The following CSMD2 variants were observed in gnomAD, a reference collection of about 807,000 sequenced individuals.
The protein encoded by CSMD2 is CUB and Sushi multiple domains 2.
CSMD2 carries 130 observed loss-of-function variants against 398.5 expected under a neutral mutation model. The observed-to-expected ratio is 0.33, with a 90% CI of 0.28 to 0.38. The LOEUF is 0.38. Ranked by LOEUF, CSMD2 falls within the 10% of genes least tolerant of loss-of-function variation. CSMD2 has a pLI of 1.00. For missense variants in CSMD2, 3,829 were observed against 4,764.9 expected (o/e 0.80, Z 5.78); for synonymous variants, 1,828 against 1,908.5 (o/e 0.96, Z 1.10).
At chr1:33,966,726 GA>G (rs1407230645) in intron 3 of CSMD2, among the ~76,000 whole-genome samples, 1 of 152,168 alleles carries the variant, frequency 6.6e-6, no homozygotes, top group Non-Finnish European at 1.5e-5. Flanking sequence ...TTGAAAACAA[GA>G]AAAAGATGAT....
intron 12 of CSMD2, among the ~76,000 whole-genome samples, chr1:33,786,786 A>G (rs1338721917): frequency 2.0e-5 from 3 of 152,174 alleles, no homozygotes; most frequent in Non-Finnish European, 4.4e-5. Flanking sequence ...CCCTAGACAC[A>G]TGGCCTCCTA....
intron 25 of CSMD2, among the ~76,000 whole-genome samples, chr1:33,682,415 A>C (rs1027141367): frequency 2.0e-5 from 3 of 152,082 alleles, no homozygotes; most frequent in African/African-American, 7.2e-5. Context: ...ACCTACTACA[A>C]TGTTTTTGTA....
Position 33,596,274 on chromosome 1 carries a change from C to T in CSMD2, c.6856+4591G>A, listed in dbSNP as rs571864539. 3.3e-5 allele frequency among the ~76,000 whole-genome samples: 5 copies of T among 152,112 alleles called. No individual in the cohort carries two copies. In the East Asian group the frequency reaches 9.8e-4, roughly 30 times the overall value. On this transcript the variant is annotated intron_variant, in intron 44 of 70. Transcript: ENST00000373381. ...CTTCCTCTGCTTGGGCTCCAATACC[C>T]TACATGGGTGTCTGCTCATCCTGCG...
intron 44 of CSMD2, among the ~76,000 whole-genome samples, chr1:33,593,779 T>C (rs1265762263): frequency 1.3e-5 from 2 of 152,264 alleles, no homozygotes; most frequent in Non-Finnish European, 2.9e-5. Flanking sequence ...CTGTATCTTA[T>C]TTTGTGCTTG....
chr1:33,824,576 G>A (rs1020771277), intron 7 of CSMD2, among the ~76,000 whole-genome samples: 6 of 152,080 alleles, frequency 3.9e-5, no homozygotes, highest in African/African-American at 7.2e-5. Flanking sequence ...CATCGGCACA[G>A]AGCTCGAAAA....
At chr1:33,695,813 GAAGTCCACAAGCTCTA>G (rs1322944913) in intron 24 of CSMD2, among the ~76,000 whole-genome samples, 5 of 152,222 alleles carry the variant, frequency 3.3e-5, no homozygotes, top group Non-Finnish European at 7.3e-5. Context: ...CTAGGCTGAT[GAAGTCCACAAGCTCTA>G]TTTGGATGGA....
intron 1 of CSMD2, among the ~76,000 whole-genome samples, chr1:34,090,989 C>T (rs567648780): frequency 6.6e-5 from 10 of 152,302 alleles, no homozygotes; most frequent in South Asian, 6.2e-4. Context: ...AGGACCTTTG[C>T]GCGGTTCTCT....
intron 5 of CSMD2, among the ~76,000 whole-genome samples, chr1:33,894,281 G>A (rs1046998769): frequency 1.3e-5 from 2 of 152,098 alleles, no homozygotes; most frequent in East Asian, 1.9e-4. Context: ...TGTAGCAGGT[G>A]GTGCCAGTGT....
At position 33,783,431 on chromosome 1, in the gene CSMD2, T is replaced by TTCTCTCTCTC. The variant is rs55769634; in HGVS notation, c.1663+5159_1663+5168dup. Among the ~76,000 whole-genome samples, 353 of 135,220 alleles carry TTCTCTCTCTC rather than the reference T, an allele frequency of 2.6e-3. 9 individuals carry two copies. Among genetic ancestry groups the TTCTCTCTCTC allele is most frequent in the African/African-American group, 8.2e-3 (281 of 34,388 alleles). The allele number at this position is 135,220 out of a possible 152,430, so 88.7% of individuals were successfully genotyped here. A position where few individuals can be genotyped will look rare whatever the true frequency, so the allele number is the denominator to read the frequency against. ...AAACAACACCATGCTCATTCTCTCA[T>TTCTCTCTCTC]TCTCTCTCTCTCTCTCTCTCTCTCT... On this transcript the variant is annotated intron_variant, in intron 12 of 70. Coordinates refer to ENST00000373381, the MANE Select transcript of CSMD2 (RefSeq NM_001281956.2).
At chr1:33,725,241 C>T (rs1646490214) in intron 17 of CSMD2, 108 bp downstream of exon 17, 3 of 911,398 alleles carry the variant, frequency 3.3e-6, no homozygotes, top group Middle Eastern at 3.4e-4. Flanking sequence ...GCCAAGAACA[C>T]CATGGGGATG....
intron 3 of CSMD2, among the ~76,000 whole-genome samples, chr1:34,006,332 C>T (rs565277457): frequency 6.6e-6 from 1 of 152,260 alleles, no homozygotes; most frequent in East Asian, 1.9e-4. Flanking sequence ...GTCCCCAAGA[C>T]CCCACCTACA....
upstream of CSMD2, chr1:34,165,675 G>A (rs562036327): frequency 6.2e-6 from 9 of 1,441,098 alleles, no homozygotes; most frequent in African/African-American, 9.8e-5. Context: ...CCTCTTCCAC[G>A]TTTGGAAATT....
At chr1:33,615,198 G>C (rs1457794113) in intron 39 of CSMD2, among the ~76,000 whole-genome samples, 2 of 152,338 alleles carry the variant, frequency 1.3e-5, no homozygotes, top group African/African-American at 4.8e-5. Flanking sequence ...CCACCAGGCT[G>C]TCTGAGTGAC....
rs1642739130 is a variant in CSMD2 at position 33,635,441 on chromosome 1, G to T, written c.4970-111C>A. On this transcript the variant is annotated intron_variant, in intron 30 of 70. Coordinates refer to ENST00000373381, the MANE Select transcript of CSMD2 (RefSeq NM_001281956.2). This position sits in a 1 kb window ranked among gnomAD's most constrained non-coding sequence, Gnocchi z 5.0. Reference sequence around the variant, plus strand: ...CTGGCCCCAGTAGGGCTGCCCTGAGGTGGGCAGGCCCTAGCTTGGAGAAGG... The same window carrying T: ...CTGGCCCCAGTAGGGCTGCCCTGAGTTGGGCAGGCCCTAGCTTGGAGAAGG... The T allele has an allele frequency of 1.5e-6, 1 of 649,994 alleles. No homozygotes were observed. 40.3% of individuals were successfully genotyped at this position (649,994 alleles called of 1,614,324 possible).
chr1:33,694,335 G>T (rs1410981112), intron 24 of CSMD2, among the ~76,000 whole-genome samples: 1 of 152,110 alleles, frequency 6.6e-6, no homozygotes, highest in African/African-American at 2.4e-5. Context: ...TGTGGTGATG[G>T]CTGTACAAGC....
rs140546387 is a variant in CSMD2, at chr1:34,037,915, A to T, written c.405-5209T>A. Reference sequence around the variant, plus strand: ...ATGTACACTGTCAACAAACAATTACAGTTTTATCACTTACAATATATGGAA... The same window carrying T: ...ATGTACACTGTCAACAAACAATTACTGTTTTATCACTTACAATATATGGAA... On this transcript the variant is annotated intron_variant, in intron 2 of 70. Transcript: ENST00000373381. Among the ~76,000 whole-genome samples, 256 of 152,338 alleles carry T rather than the reference A, an allele frequency of 1.7e-3. 1 individual carries two copies. The highest frequency in any genetic ancestry group is 5.9e-3 in the African/African-American group (246 of 41,576).
At chr1:34,033,848 A>G (rs1650770037) in intron 2 of CSMD2, among the ~76,000 whole-genome samples, 1 of 152,182 alleles carries the variant, frequency 6.6e-6, no homozygotes, top group South Asian at 2.1e-4. Flanking sequence ...ATTTGTTAAC[A>G]GACACTGTGA....
intron 12 of CSMD2, among the ~76,000 whole-genome samples, chr1:33,778,318 C>G (rs1483243305): frequency 6.6e-6 from 1 of 152,132 alleles, no homozygotes; most frequent in East Asian, 1.9e-4. Context: ...ATTTTGGCAC[C>G]ACATTCTTTC....
intron 24 of CSMD2, among the ~76,000 whole-genome samples, chr1:33,697,628 C>A (rs922000546): frequency 6.6e-6 from 1 of 152,214 alleles, no homozygotes; most frequent in Non-Finnish European, 1.5e-5. Context: ...CCTTCCTCTC[C>A]CTCCTGTTGG....
Sources: gnomAD v4.1 joint callset for allele counts (sites outside exome capture counted in the v4.1 genomes callset) on GRCh38, gnomAD v4.1.1 for gene constraint, Gnocchi (gnomAD v3.1) non-coding constraint, MANE v1.5 for transcripts, NCBI Gene and HGNC (gene_info 2026-07-23, HGNC 2026-07-21) for gene names.